Variants in GSE1 observed in about 807,000 individuals in gnomAD.
The protein encoded by GSE1 is genetic suppressor element 1.
In GSE1, 32 loss-of-function variants were observed where a neutral mutation model predicts 112.6. The ratio of observed to expected loss-of-function variants is 0.28; its 90% CI spans 0.21 to 0.38. The LOEUF (loss-of-function observed/expected upper bound fraction) is 0.38, where lower values mean the gene tolerates loss of function less well. GSE1 is among the 10% of genes least tolerant of loss of function. GSE1 has a pLI of 1.00. For missense variants in GSE1, 2,348 were observed against 1,699.2 expected, an observed-to-expected ratio of 1.38 and a Z score of -6.71; for synonymous variants, 1,115 against 735.6, an observed-to-expected ratio of 1.52 and a Z score of -8.35.
At chr16:85,665,899 G>C in intron 12 of GSE1, 77 bp from the exon 13 acceptor site, 1 of 1,408,566 alleles carries the variant, frequency 7.1e-7, no homozygotes. Flanking sequence ...AAGCTCTAGA[G>C]ACCAGGATCT....
chr16:85,538,516 G>A (rs936321980), intron 2 of GSE1, among the ~76,000 whole-genome samples: 2 of 152,176 alleles, frequency 1.3e-5, no homozygotes, highest in East Asian at 1.9e-4. Flanking sequence ...GGCCCCATGC[G>A]TCCTTTCTTT....
chr16:85,638,655 G>T (rs912093602), intron 2 of GSE1, among the ~76,000 whole-genome samples: 86 of 38,414 alleles, frequency 2.2e-3, no homozygotes, highest in African/African-American at 8.8e-3. Flanking sequence ...TCCCACCCCC[G>T]CCTCCCCTTC....
intron 2 of GSE1, among the ~76,000 whole-genome samples, chr16:85,402,930 T>C (rs942937517): frequency 6.6e-6 from 1 of 150,862 alleles, no homozygotes; most frequent in South Asian, 2.1e-4. Flanking sequence ...AAAAAAAAAA[T>C]TGCCCCAAAA....
At chr16:85,626,495 C>T (rs1022406593) in intron 1 of GSE1, among the ~76,000 whole-genome samples, 5 of 152,180 alleles carry the variant, frequency 3.3e-5, no homozygotes, top group African/African-American at 9.7e-5. Flanking sequence ...TTTCTTTCTG[C>T]GGTAATGAAA....
exon 1 of GSE1, chr16:85,171,053 T>G (rs1567585159): frequency 1.0e-6 from 1 of 985,664 alleles, no homozygotes; most frequent in Non-Finnish European, 1.2e-6. Context: ...GCCATGCATT[T>G]CCCCTTCCTC....
chr16:85,605,413 A>G (rs1021631998), intron 1 of GSE1, among the ~76,000 whole-genome samples: 1 of 151,904 alleles, frequency 6.6e-6, no homozygotes, highest in Non-Finnish European at 1.5e-5. Context: ...TCCTCGTAAA[A>G]CTTTATTTGT....
At chr16:85,665,880 G>T in intron 12 of GSE1, 96 bp from the exon 13 acceptor site, 1 of 1,201,456 alleles carries the variant, frequency 8.3e-7, no homozygotes, top group Non-Finnish European at 1.2e-6. Flanking sequence ...CTAGGTCTTT[G>T]TTAAGTGTAA....
intron 1 of GSE1, among the ~76,000 whole-genome samples, chr16:85,246,373 C>CAT (rs1905756623): frequency 3.5e-5 from 4 of 114,440 alleles, no homozygotes; most frequent in African/African-American, 1.1e-4. Flanking sequence ...ACACACCACA[C>CAT]GCTGTCTACA....
At chr16:85,229,795 T>C (rs1343923505) in intron 1 of GSE1, among the ~76,000 whole-genome samples, 1 of 152,152 alleles carries the variant, frequency 6.6e-6, no homozygotes, top group African/African-American at 2.4e-5. Context: ...AATGTGATTC[T>C]CTTGGTCCTT....
chr16:85,249,837 G>A (rs1906267394), intron 1 of GSE1, among the ~76,000 whole-genome samples: 1 of 152,230 alleles, frequency 6.6e-6, no homozygotes, highest in Non-Finnish European at 1.5e-5. Context: ...GCAGGGAGAT[G>A]CCCTCCACAG....
chr16:85,460,372 C>A (rs917345346), intron 2 of GSE1, among the ~76,000 whole-genome samples: 1 of 152,170 alleles, frequency 6.6e-6, no homozygotes, highest in African/African-American at 2.4e-5. Context: ...TCTTAAACTT[C>A]CCGAATTGTC....
chr16:85,323,554 C>T (rs2930231), intron 1 of GSE1, among the ~76,000 whole-genome samples: 2,181 of 152,054 alleles, frequency 0.014, 56 homozygotes, highest in African/African-American at 0.048. Flanking sequence ...TGGTAGCTCG[C>T]GGGAGGTGAG....
chr16:85,478,836 TTATTTTC>T (rs1418360043), intron 2 of GSE1, among the ~76,000 whole-genome samples: 1 of 143,296 alleles, frequency 7.0e-6, no homozygotes, highest in East Asian at 2.4e-4. Flanking sequence ...CCCCGCTCAT[TTATTTTC>T]TTTCTTTCTT....
chr16:85,273,519 A>T (rs4430720), intron 1 of GSE1, among the ~76,000 whole-genome samples: 112,303 of 152,034 alleles, frequency 0.74, 42,417 homozygotes, highest in African/African-American at 0.91. Flanking sequence ...TGGATCAACC[A>T]TGAAAACGTG....
intron 2 of GSE1, among the ~76,000 whole-genome samples, chr16:85,473,365 AG>A (rs1163489545): frequency 3.3e-5 from 5 of 152,042 alleles, no homozygotes; most frequent in African/African-American, 9.7e-5. Flanking sequence ...GCAGGATTTG[AG>A]GGGGTGGTTG....
chr16:85,661,153 C>A lies in GSE1; in HGVS notation c.1648C>A (p.Pro550Thr), dbSNP rs555277789. 2 of 1,585,598 alleles carry A rather than the reference C, an allele frequency of 1.3e-6. No homozygotes were observed. Among genetic ancestry groups the A allele is most frequent in the African/African-American group, 2.7e-5 (2 of 74,376 alleles). ...HRPESTTRPG[P>T]NRHEPGGRDP... ...GTTGGTTTCACTCCCTAGGCCAGGA[C>A]CAAACCGTCACGAGCCAGGTGGCCG... Residue 550 changes from proline (P) to threonine (T), a missense_variant, in exon 9 of 16, where the codon CCA becomes ACA. Pro to Thr is a conservative substitution (Grantham distance 38, BLOSUM62 -1). Coordinates refer to ENST00000253458, the MANE Select transcript of GSE1 (RefSeq NM_014615.5).
At chr16:85,482,989 A>C (rs993561103) in intron 2 of GSE1, among the ~76,000 whole-genome samples, 1 of 66,628 alleles carries the variant, frequency 1.5e-5, no homozygotes, top group Non-Finnish European at 3.2e-5. Context: ...AAAAAAAAAA[A>C]AAAAAAAATA....
intron 2 of GSE1, among the ~76,000 whole-genome samples, chr16:85,441,921 G>A (rs2049385386): frequency 2.6e-5 from 4 of 152,174 alleles, no homozygotes; most frequent in Admixed American, 2.6e-4. Context: ...GCAGCTCCCT[G>A]TGCCGCTTGC....
At chr16:85,170,564 A>G in exon 1 of GSE1, 2 of 985,738 alleles carry the variant, frequency 2.0e-6, no homozygotes, top group Non-Finnish European at 2.4e-6. Flanking sequence ...CCCAAAGAGA[A>G]GAACAGTGGC....
Sources: allele counts gnomAD v4.1 joint callset (sites outside exome capture counted in the v4.1 genomes callset), GRCh38; gene constraint gnomAD v4.1.1; transcripts MANE v1.5; gene names NCBI Gene and HGNC (gene_info 2026-07-23, HGNC 2026-07-21).